PHF20: variants seen among roughly 807,000 people sequenced by gnomAD.
The protein encoded by PHF20 is glioma-expressed antigen 2.
Under a neutral mutation model 113.5 loss-of-function variants are expected in PHF20, and 23 were observed. The ratio of observed to expected loss-of-function variants is 0.20; its 90% CI spans 0.15 to 0.29. PHF20 has a LOEUF of 0.29. PHF20 is among the 10% of genes least tolerant of loss of function. PHF20 has a pLI of 1.00. For missense variants in PHF20, 943 were observed against 1,219.6 expected (o/e 0.77, Z 3.38); for synonymous variants, 434 against 457.3 (o/e 0.95, Z 0.65).
chr20:35,875,655 G>A (rs957695169), intron 9 of PHF20, among the ~76,000 whole-genome samples: 33 of 152,068 alleles, frequency 2.2e-4, no homozygotes, highest in African/African-American at 7.2e-4. Flanking sequence ...ATTTAATCTC[G>A]GAATTTAGTT....
chr20:35,847,204 A>G (rs888833648), intron 3 of PHF20, 146 bp from the exon 4 acceptor site: 2 of 582,668 alleles, frequency 3.4e-6, no homozygotes, highest in Non-Finnish European at 6.0e-6. Flanking sequence ...GTTGAACAAC[A>G]GAAATATCTT....
chr20:35,845,388 C>G, intron 3 of PHF20: 1 of 394,014 alleles, frequency 2.5e-6, no homozygotes, highest in Non-Finnish European at 5.2e-6. Context: ...TTTAAAGAGA[C>G]GTTTTCTTGC....
At chr20:35,772,884 A>G (rs2041092676) in intron 1 of PHF20, among the ~76,000 whole-genome samples, 1 of 152,192 alleles carries the variant, frequency 6.6e-6, no homozygotes, top group African/African-American at 2.4e-5. Flanking sequence ...ATCTGACAGC[A>G]TGCCTTCTGG....
chr20:35,781,702 C>G (rs969798213), intron 1 of PHF20, among the ~76,000 whole-genome samples: 1 of 151,986 alleles, frequency 6.6e-6, no homozygotes, highest in African/African-American at 2.4e-5. Flanking sequence ...CCCAGCACTT[C>G]GGGAGGCTGA....
chr20:35,783,902 T>C (rs1208659543), intron 1 of PHF20, among the ~76,000 whole-genome samples: 7 of 147,234 alleles, frequency 4.8e-5, no homozygotes, highest in African/African-American at 1.5e-4. Context: ...GGAGAATCGC[T>C]TGAACCCAGG....
intron 9 of PHF20, among the ~76,000 whole-genome samples, chr20:35,895,680 C>CTTT (rs1437660651): frequency 7.2e-6 from 1 of 138,696 alleles, no homozygotes; most frequent in African/African-American, 2.8e-5. Context: ...TTTTGCTTCT[C>CTTT]CTTTTTTTTT....
intron 2 of PHF20, among the ~76,000 whole-genome samples, chr20:35,834,162 G>T (rs1254307696): frequency 6.6e-6 from 1 of 151,998 alleles, no homozygotes; most frequent in Non-Finnish European, 1.5e-5. Flanking sequence ...TCCAGCCTGG[G>T]CTGGACATGG....
rs140802656 is a variant in PHF20 at position 35,884,774 on chromosome 20, A to G, written c.1282+12945A>G. 2.1e-4 allele frequency among the ~76,000 whole-genome samples: 32 copies of G among 152,324 alleles called. 1 individual carries two copies. The highest frequency in any genetic ancestry group is 7.5e-4 in the African/African-American group (31 of 41,574). ...TACCTTTCCCTATGTTGGAAAATAT[A>G]GATTCCCCAATTGCTAGCAATTTAC... On this transcript the variant is annotated intron_variant, in intron 9 of 17. Transcript: ENST00000374012.
At chr20:35,887,363 A>G (rs1372920195) in intron 9 of PHF20, among the ~76,000 whole-genome samples, 1 of 152,154 alleles carries the variant, frequency 6.6e-6, no homozygotes, top group Non-Finnish European at 1.5e-5. Flanking sequence ...CAAGCTTACA[A>G]TCCAAGGGTT....
At chr20:35,919,632 T>C (rs1322774461) in intron 13 of PHF20, among the ~76,000 whole-genome samples, 1 of 152,186 alleles carries the variant, frequency 6.6e-6, no homozygotes. Context: ...TAATATACAG[T>C]TACATTTTTT....
chr20:35,830,265 G>A (rs2042337070), intron 2 of PHF20, among the ~76,000 whole-genome samples: 1 of 152,088 alleles, frequency 6.6e-6, no homozygotes, highest in African/African-American at 2.4e-5. Context: ...ATCAGCAACT[G>A]CCTCATCCCT....
At chr20:35,882,413 A>G (rs1451744451) in intron 9 of PHF20, among the ~76,000 whole-genome samples, 2 of 152,122 alleles carry the variant, frequency 1.3e-5, no homozygotes, top group Non-Finnish European at 2.9e-5. Flanking sequence ...GTGATGGGTA[A>G]TATTTATTTA....
At chr20:35,906,765 G>A (rs1208312720) in intron 10 of PHF20, among the ~76,000 whole-genome samples, 1 of 152,188 alleles carries the variant, frequency 6.6e-6, no homozygotes, top group Non-Finnish European at 1.5e-5. Flanking sequence ...TCTCTCAAGG[G>A]AACATGGAAC....
At chr20:35,826,652 A>C (rs1056868993) in intron 2 of PHF20, among the ~76,000 whole-genome samples, 3 of 152,150 alleles carry the variant, frequency 2.0e-5, no homozygotes, top group Non-Finnish European at 4.4e-5. Flanking sequence ...GAGTGGTGGG[A>C]GATTGAACTG....
At chr20:35,812,827 A>T (rs2042001094) in intron 2 of PHF20, among the ~76,000 whole-genome samples, 1 of 152,202 alleles carries the variant, frequency 6.6e-6, no homozygotes, top group Non-Finnish European at 1.5e-5. Context: ...TTATCCCCCC[A>T]CATCATTTAC....
At chr20:35,870,416 G>C (rs781290147) in intron 7 of PHF20, among the ~76,000 whole-genome samples, 6 of 152,054 alleles carry the variant, frequency 3.9e-5, no homozygotes, top group Admixed American at 2.0e-4. Context: ...GGGAGGCAGA[G>C]GTTGCAGTGA....
At position 35,871,788 on chromosome 20, in the gene PHF20, C is replaced by T; in HGVS notation, c.1241C>T (p.Thr414Ile). 1 of 1,612,680 alleles carries T rather than the reference C, an allele frequency of 6.2e-7. No individual in the cohort carries two copies. The highest frequency in any genetic ancestry group is 8.5e-7 in the Non-Finnish European group (1 of 1,179,302). The change falls in exon 9 of 18, where the codon ACT (threonine) becomes ATT (isoleucine). Residue 414 changes from threonine (T) to isoleucine (I), a missense_variant. Thr to Ile is a moderately conservative substitution (Grantham distance 89). Coordinates refer to ENST00000374012, the MANE Select transcript of PHF20 (RefSeq NM_016436.5). ...MGENTMKTEP[T>I]SPLVELQEIS... The stretch of plus-strand genomic sequence containing the variant: ...GAAAACACGATGAAAACAGAACCGA[C>T]TTCTCCCCTTGTGGAATTACAAGAG...
chr20:35,816,732 G>T (rs915827422), intron 2 of PHF20, among the ~76,000 whole-genome samples: 2 of 151,876 alleles, frequency 1.3e-5, no homozygotes, highest in African/African-American at 2.4e-5. Context: ...AATTATAGGC[G>T]TGAGCCACTG....
intron 4 of PHF20, chr20:35,849,607 C>CGA (rs2146948554): frequency 2.3e-6 from 1 of 434,382 alleles, no homozygotes; most frequent in Non-Finnish European, 4.8e-6. Flanking sequence ...TGCTTCATCA[C>CGA]GATTCACTGT....
Sources: allele counts gnomAD v4.1 joint callset (sites outside exome capture counted in the v4.1 genomes callset), GRCh38; gene constraint gnomAD v4.1.1; transcripts MANE v1.5; gene names NCBI Gene and HGNC (gene_info 2026-07-23, HGNC 2026-07-21).